Variants in RPH3AL observed in about 807,000 individuals in gnomAD.
The protein encoded by RPH3AL is rabphilin 3A like (without C2 domains).
Under a neutral mutation model 43.1 loss-of-function variants are expected in RPH3AL, and 38 were observed. The ratio of observed to expected loss-of-function variants is 0.88; its 90% CI spans 0.68 to 1.15. The LOEUF (loss-of-function observed/expected upper bound fraction) is 1.15. RPH3AL is among the 50% of genes most tolerant of loss of function. The pLI is 0.00. For synonymous variants in RPH3AL, 189 were observed against 176.3 expected (o/e 1.07, Z -0.57); for missense variants, 462 against 423.2 (o/e 1.09, Z -0.81).
intron 7 of RPH3AL, among the ~76,000 whole-genome samples, chr17:235,470 G>A (rs1481508201): frequency 6.9e-5 from 9 of 131,298 alleles, no homozygotes; most frequent in Admixed American, 2.4e-4. Flanking sequence ...AGCTGGGGTC[G>A]GCCGAGGCTC....
At chr17:305,856 CCCT>C (rs988809528) in intron 5 of RPH3AL, among the ~76,000 whole-genome samples, 3 of 150,012 alleles carry the variant, frequency 2.0e-5, no homozygotes, top group African/African-American at 7.3e-5. Flanking sequence ...CTCCCTCCCT[CCCT>C]CCTTTCTTTT....
Position 287,059 on chromosome 17 carries a change from G to A in RPH3AL, c.352-5205C>T, listed in dbSNP as rs111587350. Among the ~76,000 whole-genome samples, 11 of 15,872 alleles carry A rather than the reference G, an allele frequency of 6.9e-4. 2 individuals carry two copies. The highest frequency in any genetic ancestry group is 1.3e-3 in the African/African-American group (6 of 4,510). The allele number at this position is 15,872 out of a possible 152,430, so 10.4% of individuals were successfully genotyped here. A position where few individuals can be genotyped will look rare whatever the true frequency, so the allele number is the denominator to read the frequency against. Reference sequence around the variant, plus strand: ...AGACCTCACTCCCTCTCTCTCCACCGTCAGACCTCACTCCCTCTCTCCACC... The same window carrying A: ...AGACCTCACTCCCTCTCTCTCCACCATCAGACCTCACTCCCTCTCTCCACC... On this transcript the variant is annotated intron_variant, in intron 5 of 9. Coordinates refer to ENST00000331302, the MANE Select transcript of RPH3AL (RefSeq NM_006987.4).
chr17:346,613 C>A lies in RPH3AL; in HGVS notation c.-213+6099G>T, dbSNP rs563671175. ...GTCTCTCCCACAACAGGTGGGAATG[C>A]AAGATGAGATTTGGGTGGGGACACA... On this transcript the variant is annotated intron_variant, in intron 1 of 9. Coordinates refer to ENST00000331302, the MANE Select transcript of RPH3AL (RefSeq NM_006987.4). Among the ~76,000 whole-genome samples, 41 of 135,100 alleles carry A rather than the reference C, an allele frequency of 3.0e-4. 11 individuals carry two copies. Among genetic ancestry groups the A allele is most frequent in the Non-Finnish European group, 4.2e-4 (25 of 59,382 alleles). The allele number at this position is 135,100 out of a possible 152,430, so 88.6% of individuals were successfully genotyped here. A position where few individuals can be genotyped will look rare whatever the true frequency, so the allele number is the denominator to read the frequency against.
At chr17:250,657 C>T (rs1416332498) in intron 6 of RPH3AL, among the ~76,000 whole-genome samples, 4 of 150,784 alleles carry the variant, frequency 2.7e-5, no homozygotes, top group South Asian at 2.1e-4. Flanking sequence ...TAAGCTCCAT[C>T]GCTGCGGGAC....
chr17:253,588 G>C (rs1285667547), intron 6 of RPH3AL, among the ~76,000 whole-genome samples: 1 of 152,092 alleles, frequency 6.6e-6, no homozygotes, highest in Non-Finnish European at 1.5e-5. Flanking sequence ...TCCAGAACTT[G>C]CCAAACTGAA....
intron 6 of RPH3AL, among the ~76,000 whole-genome samples, chr17:259,889 T>G (rs1421771847): frequency 6.6e-6 from 1 of 152,230 alleles, no homozygotes; most frequent in Non-Finnish European, 1.5e-5. Context: ...TAACAATTGC[T>G]AATCACTGGC....
rs566612443 is a variant in RPH3AL at position 265,062 on chromosome 17, T to C, written c.438+16706A>G. On this transcript the variant is annotated intron_variant, in intron 6 of 9. Coordinates refer to ENST00000331302, the MANE Select transcript of RPH3AL (RefSeq NM_006987.4). ...GAAATAAAACACACTGGGTGCCTCA[T>C]ACTTTATGAGAAGAGGGAATTAAGA... 9.2e-5 allele frequency among the ~76,000 whole-genome samples: 14 copies of C among 152,284 alleles called. No homozygotes were observed. The South Asian group carries it at 1.2e-3, about 14-fold the overall frequency.
At chr17:270,608 G>A (rs1299435992) in intron 6 of RPH3AL, among the ~76,000 whole-genome samples, 2 of 152,104 alleles carry the variant, frequency 1.3e-5, no homozygotes, top group Non-Finnish European at 2.9e-5. Flanking sequence ...CCAGCACTTA[G>A]GGCAGCAGAG....
At chr17:316,916 A>C (rs2044250416) in intron 5 of RPH3AL, among the ~76,000 whole-genome samples, 1 of 143,796 alleles carries the variant, frequency 7.0e-6, no homozygotes, top group African/African-American at 2.7e-5. Context: ...ACCTCCACTG[A>C]CCTGTAGTCT....
chr17:333,299 G>A lies in RPH3AL; in HGVS notation c.-37+460C>T, dbSNP rs774924164. On this transcript the variant is annotated intron_variant, in intron 2 of 9. Coordinates refer to ENST00000331302, the MANE Select transcript of RPH3AL (RefSeq NM_006987.4). The surrounding 1 kb of genome is among the most constrained non-coding windows in gnomAD (Gnocchi z 4.5). ...GCCTCACGTGGTCACTCCTGGGGGC[G>A]GTAGGATATTTTATCCTAAAGAGAA... 9.5e-5 allele frequency: 122 copies of A among 1,286,388 alleles called. No homozygotes were observed. Among genetic ancestry groups the A allele is most frequent in the Non-Finnish European group, 1.1e-4 (107 of 987,686 alleles). The allele number at this position is 1,286,388 out of a possible 1,614,324, so 79.7% of individuals were successfully genotyped here. A position where few individuals can be genotyped will look rare whatever the true frequency, so the allele number is the denominator to read the frequency against.
At chr17:239,437 G>A (rs994353936) in intron 7 of RPH3AL, among the ~76,000 whole-genome samples, 30 of 152,268 alleles carry the variant, frequency 2.0e-4, no homozygotes, top group African/African-American at 6.0e-4. Context: ...TATGGTTGGC[G>A]TCCATACATT....
intron 6 of RPH3AL, among the ~76,000 whole-genome samples, chr17:260,604 C>A (rs1320076634): frequency 3.3e-5 from 5 of 152,142 alleles, no homozygotes; most frequent in African/African-American, 4.8e-5. Flanking sequence ...TGTGACTGAG[C>A]GGTCTTCTCA....
chr17:214,102 T>C (rs887819286), intron 9 of RPH3AL, among the ~76,000 whole-genome samples, 179 bp from the exon 10 acceptor site: 1 of 152,234 alleles, frequency 6.6e-6, no homozygotes, highest in Non-Finnish European at 1.5e-5. Context: ...TGCTGTGTGA[T>C]GGCAGGAAAG....
chr17:259,444 G>A (rs74541888), intron 6 of RPH3AL, among the ~76,000 whole-genome samples: 78 of 152,132 alleles, frequency 5.1e-4, no homozygotes, highest in Non-Finnish European at 8.5e-4. Flanking sequence ...CCTTAATCAC[G>A]TAACTTCTGC....
At position 316,434 on chromosome 17, in the gene RPH3AL, C is replaced by T. The variant is rs546253181; in HGVS notation, c.351+2986G>A. Among the ~76,000 whole-genome samples, 6 of 150,642 alleles carry T rather than the reference C, an allele frequency of 4.0e-5. No individual in the cohort carries two copies. The South Asian group carries it at 8.5e-4, about 21-fold the overall frequency. Reference sequence around the variant, plus strand: ...TCCCTGTGACCCCACCTCCATTGACCTGTAGTCTCTGTGCTCCACCTCCAC... The same window carrying T: ...TCCCTGTGACCCCACCTCCATTGACTTGTAGTCTCTGTGCTCCACCTCCAC... On this transcript the variant is annotated intron_variant, in intron 5 of 9. Transcript: ENST00000331302.
intron 6 of RPH3AL, among the ~76,000 whole-genome samples, chr17:271,386 T>C (rs991256299): frequency 1.3e-5 from 2 of 152,212 alleles, no homozygotes; most frequent in Non-Finnish European, 2.9e-5. Flanking sequence ...ATTTTCACAA[T>C]ATTGATTCTT....
At chr17:265,214 G>C (rs2042292730) in intron 6 of RPH3AL, among the ~76,000 whole-genome samples, 1 of 152,096 alleles carries the variant, frequency 6.6e-6, no homozygotes, top group African/African-American at 2.4e-5. Context: ...GGCTTCCCGA[G>C]TAGCTGGGAC....
chr17:312,813 C>G (rs981114029), intron 5 of RPH3AL, among the ~76,000 whole-genome samples: 2 of 152,242 alleles, frequency 1.3e-5, no homozygotes, highest in Non-Finnish European at 2.9e-5. Context: ...CGTGGCCAAG[C>G]TGGGACCTCA....
At chr17:279,274 C>A in intron 6 of RPH3AL, among the ~76,000 whole-genome samples, 1 of 152,206 alleles carries the variant, frequency 6.6e-6, no homozygotes. Flanking sequence ...CTGGTACCCA[C>A]AGGTACCCAG....
Sources: allele counts gnomAD v4.1 joint callset (sites outside exome capture counted in the v4.1 genomes callset), GRCh38; gene constraint gnomAD v4.1.1; non-coding constraint Gnocchi (gnomAD v3.1); transcripts MANE v1.5; gene names NCBI Gene and HGNC (gene_info 2026-07-23, HGNC 2026-07-21).